Variants in NLRC4 observed in about 807,000 individuals in gnomAD.
NLRC4 encodes the protein NLR family CARD domain containing 4.
Under a neutral mutation model 79.9 loss-of-function variants are expected in NLRC4, and 63 were observed. That is an observed-to-expected ratio of 0.79 (90% CI 0.64 to 0.97). The LOEUF (loss-of-function observed/expected upper bound fraction) is 0.97. Ranked by LOEUF, NLRC4 falls within the 50% of genes least tolerant of loss-of-function variation. The probability of loss-of-function intolerance (pLI) is 0.00; values close to 1 mark genes in which losing one functional copy is unlikely to be tolerated. For synonymous variants in NLRC4, 461 were observed against 456.5 expected (o/e 1.01, Z -0.12); for missense variants, 1,074 against 1,215.2 (o/e 0.88, Z 1.73).
At chr2:32,249,248 A>C (rs116447436) in intron 4 of NLRC4, among the ~76,000 whole-genome samples, 3,639 of 152,310 alleles carry the variant, frequency 0.024, 123 homozygotes, top group African/African-American at 0.082. Flanking sequence ...TGCAGGTTGG[A>C]TAAGCTTGAT....
intron 8 of NLRC4, among the ~76,000 whole-genome samples, chr2:32,229,053 C>G (rs1036125553): frequency 2.0e-5 from 3 of 151,880 alleles, no homozygotes; most frequent in African/African-American, 7.2e-5. Context: ...GGCATGAGCT[C>G]TCTTTGAGAA....
At chr2:32,236,847 T>A (rs1159281854) in intron 6 of NLRC4, among the ~76,000 whole-genome samples, 1 of 124,388 alleles carries the variant, frequency 8.0e-6, no homozygotes, top group South Asian at 2.5e-4. Flanking sequence ...AATAAAAACA[T>A]AGTAAAAAAT....
intron 4 of NLRC4, among the ~76,000 whole-genome samples, chr2:32,245,851 T>G (rs1438951640): frequency 6.6e-6 from 1 of 152,202 alleles, no homozygotes. Context: ...CTGTATGTGT[T>G]CAATAATGTT....
At chr2:32,226,226 A>G (rs1202167715) in intron 8 of NLRC4, among the ~76,000 whole-genome samples, 3 of 152,208 alleles carry the variant, frequency 2.0e-5, no homozygotes, top group Non-Finnish European at 4.4e-5. Flanking sequence ...CACTTTCAGT[A>G]AAGGTGTTTA....
intron 2 of NLRC4, among the ~76,000 whole-genome samples, chr2:32,254,378 A>G (rs1163217610): frequency 1.3e-5 from 2 of 151,940 alleles, no homozygotes; most frequent in Non-Finnish European, 2.9e-5. Context: ...TTTTCTGAAG[A>G]GTATCACATC....
chr2:32,249,194 G>A (rs1022284665), intron 4 of NLRC4, among the ~76,000 whole-genome samples: 1 of 152,192 alleles, frequency 6.6e-6, no homozygotes, highest in Non-Finnish European at 1.5e-5. Flanking sequence ...AATTTGTGCT[G>A]GGCCACATTC....
chr2:32,250,256 A>G lies in NLRC4; in HGVS notation c.1608T>C (p.Ser536=), dbSNP rs947172124. 1 of 1,614,138 alleles carries G rather than the reference A, an allele frequency of 6.2e-7. No homozygotes were observed. The highest frequency in any genetic ancestry group is 1.3e-5 in the African/African-American group (1 of 75,028). ...TTTCTTGCTCAGTGGTGTTTTTCACACTTTGCAAAGATTCCTGTCTCCAGA... is the reference window on the plus strand; with the variant it reads ...TTTCTTGCTCAGTGGTGTTTTTCACGCTTTGCAAAGATTCCTGTCTCCAGA... ...RPLWRQESLQ[S]VKNTTEQEIL... is the part of the protein sequence containing the mutation. Residue 536 remains serine (S), a synonymous_variant, in exon 4 of 9, where the codon AGT becomes AGC. Coordinates refer to ENST00000402280, the MANE Select transcript of NLRC4 (RefSeq NM_001199138.2). This position sits in a 1 kb window ranked among gnomAD's most constrained non-coding sequence, Gnocchi z 4.9.
At chr2:32,228,734 G>C (rs1365919306) in intron 8 of NLRC4, among the ~76,000 whole-genome samples, 8 of 151,888 alleles carry the variant, frequency 5.3e-5, no homozygotes, top group Non-Finnish European at 1.0e-4. Flanking sequence ...ATTTAACACA[G>C]AGCTTCTAGA....
chr2:32,245,167 C>G (rs1232239735), intron 4 of NLRC4, among the ~76,000 whole-genome samples: 3 of 151,658 alleles, frequency 2.0e-5, no homozygotes, highest in Non-Finnish European at 4.4e-5. Flanking sequence ...AAAAATTAGC[C>G]AGGCGTGTTA....
intron 4 of NLRC4, among the ~76,000 whole-genome samples, chr2:32,248,800 G>A (rs749181408): frequency 3.1e-4 from 47 of 152,112 alleles, no homozygotes; most frequent in Non-Finnish European, 4.1e-4. Context: ...AATAAACTCT[G>A]TCGTAACTGC....
chr2:32,246,009 C>A (rs899425133), intron 4 of NLRC4, among the ~76,000 whole-genome samples: 1 of 151,838 alleles, frequency 6.6e-6, no homozygotes, highest in Non-Finnish European at 1.5e-5. Context: ...CATGGTGAAA[C>A]CCCGTCTGTA....
chr2:32,257,912 A>G (rs905788172), intron 1 of NLRC4, among the ~76,000 whole-genome samples: 2 of 152,064 alleles, frequency 1.3e-5, no homozygotes, highest in African/African-American at 4.8e-5. Flanking sequence ...GGTGTGTGTT[A>G]CAGGGTGCTC....
In NLRC4 at chr2:32,233,320, A is replaced by AATATATAT. The variant is rs1257781417; in HGVS notation, c.2782+2073_2782+2080dup. 1.3e-3 allele frequency among the ~76,000 whole-genome samples: 90 copies of AATATATAT among 67,210 alleles called. 1 individual carries two copies. The highest frequency in any genetic ancestry group is 1.6e-3 in the African/African-American group (23 of 14,692). The allele number at this position is 67,210 out of a possible 152,430, so 44.1% of individuals were successfully genotyped here. On this transcript the variant is annotated intron_variant, in intron 8 of 8. Transcript: ENST00000402280. ...TTTTCATTTGTCTTAAGAAATTTTA[A>AATATATAT]ATATATATATATATATATATATATA...
intron 2 of NLRC4, among the ~76,000 whole-genome samples, chr2:32,254,610 C>T (rs1214773843): frequency 7.2e-6 from 1 of 139,250 alleles, no homozygotes. Context: ...TAGGCTGCTC[C>T]TGGTTTTTTT....
intron 8 of NLRC4, among the ~76,000 whole-genome samples, chr2:32,226,623 A>G (rs549797383): frequency 3.9e-5 from 6 of 152,268 alleles, no homozygotes; most frequent in Admixed American, 1.3e-4. Context: ...GCTCATGCCT[A>G]TAATCCCAGC....
intron 8 of NLRC4, among the ~76,000 whole-genome samples, chr2:32,233,221 G>C (rs1192819225): frequency 7.4e-6 from 1 of 135,322 alleles, no homozygotes; most frequent in Non-Finnish European, 1.6e-5. Context: ...GAAGAAGGAA[G>C]GGAGGGAGGG....
intron 8 of NLRC4, among the ~76,000 whole-genome samples, chr2:32,225,750 G>A (rs1352475839): frequency 1.3e-5 from 2 of 152,130 alleles, no homozygotes; most frequent in African/African-American, 2.4e-5. Context: ...TTACTTACAT[G>A]TTTATACTCC....
chr2:32,261,971 C>T (rs1419385774), intron 1 of NLRC4, among the ~76,000 whole-genome samples: 1 of 151,820 alleles, frequency 6.6e-6, no homozygotes, highest in Non-Finnish European at 1.5e-5. Context: ...CTCCCAGCTA[C>T]TCGGGAGGCT....
At chr2:32,236,129 GA>G (rs1686666518) in intron 7 of NLRC4, 117 bp downstream of exon 7, 1 of 588,946 alleles carries the variant, frequency 1.7e-6, no homozygotes. Context: ...TTTTCCTAAG[GA>G]GGGTGCATCT....
Sources: gnomAD v4.1 joint callset for allele counts (sites outside exome capture counted in the v4.1 genomes callset) on GRCh38, gnomAD v4.1.1 for gene constraint, Gnocchi (gnomAD v3.1) non-coding constraint, MANE v1.5 for transcripts, NCBI Gene and HGNC (gene_info 2026-07-23, HGNC 2026-07-21) for gene names.